The following GRID1 variants were observed in gnomAD, a reference collection of about 807,000 sequenced individuals.
GRID1 encodes glutamate receptor ionotropic, delta-1.
In GRID1, 28 loss-of-function variants were observed where a neutral mutation model predicts 98.0. That is an observed-to-expected ratio of 0.29 (90% CI 0.21 to 0.39). The LOEUF is 0.39. Ranked by LOEUF, GRID1 falls within the 10% of genes least tolerant of loss-of-function variation. The pLI is 1.00. For missense variants in GRID1, 1,111 were observed against 1,340.5 expected, an observed-to-expected ratio of 0.83 and a Z score of 2.67; for synonymous variants, 553 against 538.5, an observed-to-expected ratio of 1.03 and a Z score of -0.37.
At chr10:85,744,689 A>G (rs1841981653) in intron 8 of GRID1, among the ~76,000 whole-genome samples, 1 of 71,654 alleles carries the variant, frequency 1.4e-5, no homozygotes, top group South Asian at 5.4e-4. Context: ...AAACACCAAA[A>G]GCAATGGCAA....
chr10:85,879,266 T>C (rs899995362), intron 5 of GRID1, among the ~76,000 whole-genome samples: 1 of 152,010 alleles, frequency 6.6e-6, no homozygotes, highest in Non-Finnish European at 1.5e-5. Context: ...CTGCACCAAG[T>C]GGACCTAATA....
chr10:86,300,231 T>C (rs143949448), intron 2 of GRID1, among the ~76,000 whole-genome samples: 1 of 151,608 alleles, frequency 6.6e-6, no homozygotes, highest in Non-Finnish European at 1.5e-5. Flanking sequence ...AAGAAAGAAT[T>C]CCTCCCAAAC....
At chr10:85,963,105 T>C (rs531506238) in intron 4 of GRID1, among the ~76,000 whole-genome samples, 1 of 152,318 alleles carries the variant, frequency 6.6e-6, no homozygotes, top group South Asian at 2.1e-4. Context: ...TTTACTTCCC[T>C]TGCTGTAACT....
At chr10:85,871,313 T>C (rs1263400705) in intron 5 of GRID1, among the ~76,000 whole-genome samples, 2 of 152,184 alleles carry the variant, frequency 1.3e-5, no homozygotes, top group Non-Finnish European at 2.9e-5. Context: ...AAAAACAGAA[T>C]GGTTTTATGG....
At chr10:85,892,210 A>C (rs1159576396) in intron 5 of GRID1, among the ~76,000 whole-genome samples, 1 of 146,618 alleles carries the variant, frequency 6.8e-6, no homozygotes, top group Non-Finnish European at 1.5e-5. Flanking sequence ...GGAGATAAAA[A>C]AAAAACAAAA....
intron 2 of GRID1, among the ~76,000 whole-genome samples, chr10:86,218,211 T>C (rs1288441453): frequency 1.3e-5 from 2 of 152,066 alleles, no homozygotes; most frequent in Admixed American, 1.3e-4. Flanking sequence ...CCAGCAAAGG[T>C]ATATGCAGGT....
chr10:86,253,860 G>A (rs1260650377), intron 2 of GRID1, among the ~76,000 whole-genome samples: 5 of 152,022 alleles, frequency 3.3e-5, no homozygotes, highest in East Asian at 1.9e-4. Flanking sequence ...ACTTGACACC[G>A]ACCCTCACAT....
At chr10:86,309,215 G>C (rs1176961792) in intron 2 of GRID1, among the ~76,000 whole-genome samples, 1 of 152,158 alleles carries the variant, frequency 6.6e-6, no homozygotes, top group Non-Finnish European at 1.5e-5. Context: ...GAGTCCCAAA[G>C]ACACAGCTGG....
chr10:86,324,670 A>G (rs1279871513), intron 2 of GRID1, among the ~76,000 whole-genome samples: 1 of 152,264 alleles, frequency 6.6e-6, no homozygotes, highest in East Asian at 1.9e-4. Context: ...AAGTAGCACA[A>G]GAAAGCATAG....
intron 4 of GRID1, among the ~76,000 whole-genome samples, chr10:86,074,016 C>T (rs1843842331): frequency 6.6e-6 from 1 of 152,150 alleles, no homozygotes; most frequent in Admixed American, 6.5e-5. Flanking sequence ...CAAGTGACAG[C>T]CACTTTGAAG....
intron 8 of GRID1, among the ~76,000 whole-genome samples, chr10:85,754,399 A>G (rs1258670604): frequency 6.6e-6 from 1 of 152,252 alleles, no homozygotes; most frequent in Non-Finnish European, 1.5e-5. Context: ...AAGATAGAAT[A>G]AAAGAAAGTA....
intron 2 of GRID1, among the ~76,000 whole-genome samples, chr10:86,272,011 A>T (rs79845775): frequency 0.014 from 2,058 of 152,268 alleles, 20 homozygotes; most frequent in Non-Finnish European, 0.021. Context: ...CAAGATAAAG[A>T]GAAAATCTTA....
At chr10:86,001,862 A>T (rs1842805941) in intron 4 of GRID1, among the ~76,000 whole-genome samples, 1 of 152,166 alleles carries the variant, frequency 6.6e-6, no homozygotes, top group Non-Finnish European at 1.5e-5. Flanking sequence ...TCTGAAGTCA[A>T]GGTGCCAGCA....
At chr10:85,756,308 C>T (rs1842097926) in intron 8 of GRID1, among the ~76,000 whole-genome samples, 1 of 152,154 alleles carries the variant, frequency 6.6e-6, no homozygotes, top group Admixed American at 6.5e-5. Flanking sequence ...ATCTTAGCAA[C>T]CTCAGCATAC....
At chr10:85,679,265 A>G (rs941098240) in intron 12 of GRID1, among the ~76,000 whole-genome samples, 5 of 152,182 alleles carry the variant, frequency 3.3e-5, no homozygotes, top group African/African-American at 1.2e-4. Context: ...CAAACCATGG[A>G]TCTCTCTCAT....
At chr10:85,642,861 T>C (rs1050091240) in intron 13 of GRID1, among the ~76,000 whole-genome samples, 2 of 151,862 alleles carry the variant, frequency 1.3e-5, no homozygotes, top group Non-Finnish European at 2.9e-5. Context: ...GGACAAGGAG[T>C]AGCTAGAAAA....
chr10:86,352,199 A>G (rs1306991688), intron 2 of GRID1, among the ~76,000 whole-genome samples: 1 of 152,226 alleles, frequency 6.6e-6, no homozygotes, highest in African/African-American at 2.4e-5. Flanking sequence ...TCAGAGGTAC[A>G]TGGATCTTCA....
intron 4 of GRID1, among the ~76,000 whole-genome samples, chr10:86,080,301 T>G (rs1383675359): frequency 6.7e-6 from 1 of 149,422 alleles, no homozygotes; most frequent in Non-Finnish European, 1.5e-5. Context: ...GCCACTGCAC[T>G]CCAGCCTGGG....
chr10:85,609,434 C>T lies in GRID1; in HGVS notation c.2601+3973G>A, dbSNP rs74611033. On this transcript the variant is annotated intron_variant, in intron 15 of 15. Coordinates refer to ENST00000327946, the MANE Select transcript of GRID1 (RefSeq NM_017551.3). ...TTCCCTTGTTGAATCCTCAGTGCAA[C>T]GCTGTGGGTTGGCATAAATGAAGAA... Among the ~76,000 whole-genome samples the T allele has an allele frequency of 6.0e-3, 918 of 152,284 alleles. 11 individuals are homozygous for T. The highest frequency in any genetic ancestry group is 0.021 in the African/African-American group (869 of 41,554).
Sources: allele counts gnomAD v4.1 joint callset (sites outside exome capture counted in the v4.1 genomes callset), GRCh38; gene constraint gnomAD v4.1.1; transcripts MANE v1.5; gene names NCBI Gene and HGNC (gene_info 2026-07-23, HGNC 2026-07-21).